Variants in FCRL1 observed in about 807,000 individuals in gnomAD.
FCRL1 encodes the protein Fc receptor-like protein 1.
FCRL1 carries 34 observed loss-of-function variants against 49.2 expected under a neutral mutation model. The observed-to-expected ratio is 0.69, with a 90% confidence interval of 0.53 to 0.92. The LOEUF is 0.92. Ranked by LOEUF, FCRL1 falls within the 40% of genes least tolerant of loss-of-function variation. The pLI is 0.00. For synonymous variants in FCRL1, 218 were observed against 201.6 expected (o/e 1.08, Z -0.69); for missense variants, 524 against 524.1 (o/e 1.00, Z 0.00).
chr1:157,800,459 G>A (rs1652262773), intron 6 of FCRL1, among the ~76,000 whole-genome samples: 1 of 152,132 alleles, frequency 6.6e-6, no homozygotes, highest in South Asian at 2.1e-4. Context: ...GACGGTGTGA[G>A]GTACCCAAAT....
chr1:157,800,163 T>C (rs1652205006), intron 6 of FCRL1, 78 bp from the exon 7 acceptor site: 1 of 1,405,896 alleles, frequency 7.1e-7, no homozygotes. Flanking sequence ...TCATACCCCC[T>C]GCACAGGGAT....
chr1:157,794,826 T>C lies in FCRL1; in HGVS notation c.*1273A>G, dbSNP rs1266504960. 4 of 152,184 alleles carry C rather than the reference T, an allele frequency of 2.6e-5. No individual in the cohort carries two copies. The highest frequency in any genetic ancestry group is 5.9e-5 in the Non-Finnish European group (4 of 68,028). The allele number at this position is 152,184 out of a possible 1,614,324, so 9.4% of individuals were successfully genotyped here. ...TACTACAATAAAAAAAGAAAAAAGTTATGATTTATCTATATAACACACTAC... is the reference window on the plus strand; with the variant it reads ...TACTACAATAAAAAAAGAAAAAAGTCATGATTTATCTATATAACACACTAC... On this transcript the variant is annotated 3_prime_UTR_variant, in exon 11 of 11. Coordinates refer to ENST00000368176, the MANE Select transcript of FCRL1 (RefSeq NM_052938.5).
At chr1:157,800,236 C>A in intron 6 of FCRL1, 151 bp from the exon 7 acceptor site, 1 of 560,570 alleles carries the variant, frequency 1.8e-6, no homozygotes, top group East Asian at 3.0e-5. Flanking sequence ...TCCTGGCAAT[C>A]ATTTACAGAG....
intron 3 of FCRL1, 97 bp downstream of exon 3, chr1:157,803,748 C>T: frequency 6.9e-7 from 1 of 1,439,392 alleles, no homozygotes; most frequent in East Asian, 2.3e-5. Flanking sequence ...CAAACAGCTC[C>T]TACTCTTGCA....
Position 157,801,971 on chromosome 1 carries a change from T to G in FCRL1, c.830A>C (p.Glu277Ala). The G allele has an allele frequency of 1.9e-6, 3 of 1,614,244 alleles. No homozygotes were observed. Among genetic ancestry groups the G allele is most frequent in the Non-Finnish European group, 2.5e-6 (3 of 1,180,036 alleles). ...TEEHSGNYSC[E>A]ANNGLGAQRS... ...CTGGGCCCCCAGGCCATTGTTGGCC[T>G]CACAGGAGTAGTTTCCAGAATGTTC... Residue 277 changes from glutamate to alanine, a missense_variant, in exon 5 of 11, where the codon GAG becomes GCG. Physicochemically the swap from Glu to Ala is moderately radical, Grantham distance 107 (BLOSUM62 -1). Transcript: ENST00000368176.
rs1248991402 is a variant in FCRL1, at chr1:157,798,357, C to A, written c.1032-114G>T. The stretch of plus-strand genomic sequence containing the variant: ...TTGTCCTGAGCAGAATACTAAGTTA[C>A]GGGGAAATGAGCAGCTAGAAGGCAC... On this transcript the variant is annotated intron_variant, in intron 7 of 10. Coordinates refer to ENST00000368176, the MANE Select transcript of FCRL1 (RefSeq NM_052938.5). 4 of 881,472 alleles carry A rather than the reference C, an allele frequency of 4.5e-6. No homozygotes were observed. The African/African-American group carries it at 5.1e-5, about 11-fold the overall frequency. 54.6% of individuals were successfully genotyped at this position (881,472 alleles called of 1,614,324 possible).
chr1:157,805,286 C>T (rs1327118359), intron 2 of FCRL1, among the ~76,000 whole-genome samples: 1 of 152,174 alleles, frequency 6.6e-6, no homozygotes, highest in Non-Finnish European at 1.5e-5. Context: ...ATTTGTTTAT[C>T]CAACCCTCAG....
intron 1 of FCRL1, among the ~76,000 whole-genome samples, chr1:157,814,247 G>C (rs1281947396): frequency 6.6e-6 from 1 of 152,050 alleles, no homozygotes; most frequent in South Asian, 2.1e-4. Flanking sequence ...ATGGTTAAAA[G>C]TCAAAATGGT....
intron 1 of FCRL1, among the ~76,000 whole-genome samples, chr1:157,810,454 G>A (rs1006322530): frequency 3.9e-5 from 6 of 151,938 alleles, no homozygotes; most frequent in South Asian, 4.2e-4. Flanking sequence ...GCACCACCTC[G>A]CCTGGCTAAT....
In FCRL1 at chr1:157,796,934, C is replaced by T. The variant is rs61262626; in HGVS notation, c.1218+167G>A. Reference sequence around the variant, plus strand: ...CTTCAAACTTTCCTTGTACAATGACCCCTTATTGTTGTAACTATGTGTTTT... The same window carrying T: ...CTTCAAACTTTCCTTGTACAATGACTCCTTATTGTTGTAACTATGTGTTTT... On this transcript the variant is annotated intron_variant, in intron 10 of 10. Transcript: ENST00000368176. Among the ~76,000 whole-genome samples the T allele has an allele frequency of 5.0e-3, 766 of 152,174 alleles. 6 individuals carry two copies. The highest frequency in any genetic ancestry group is 0.017 in the African/African-American group (695 of 41,518).
rs371547313 is a variant in FCRL1 at position 157,802,606 on chromosome 1, C to T, written c.378G>A (p.Glu126=). 1.2e-6 allele frequency: 2 copies of T among 1,614,064 alleles called. No homozygotes were observed. Among genetic ancestry groups the T allele is most frequent in the African/African-American group, 2.7e-5 (2 of 74,922 alleles). ...ETQPPGGQVM[E]GDRLVLICSV... ...AGCAGATGAGGACCAGCCTGTCTCCCTCCATCACCTGTCCTCCTGGGGGCT... is the reference window on the plus strand; with the variant it reads ...AGCAGATGAGGACCAGCCTGTCTCCTTCCATCACCTGTCCTCCTGGGGGCT... The change falls in exon 4 of 11, where the codon GAG becomes GAA. Residue 126 remains glutamate (E), a synonymous_variant. Coordinates refer to ENST00000368176, the MANE Select transcript of FCRL1 (RefSeq NM_052938.5).
chr1:157,804,319 C>T (rs1571368750), intron 2 of FCRL1: 1 of 571,780 alleles, frequency 1.7e-6, no homozygotes, highest in East Asian at 2.9e-5. Flanking sequence ...CATCCTGCCC[C>T]TGTGCAGTAT....
intron 6 of FCRL1, 80 bp downstream of exon 6, chr1:157,801,381 G>T: frequency 2.2e-6 from 2 of 919,994 alleles, no homozygotes; most frequent in Non-Finnish European, 3.6e-6. Context: ...ATCTTTTGCA[G>T]TATACATGTC....
intron 1 of FCRL1, among the ~76,000 whole-genome samples, chr1:157,814,377 G>T (rs1250265861): frequency 6.6e-6 from 1 of 151,934 alleles, no homozygotes; most frequent in Non-Finnish European, 1.5e-5. Flanking sequence ...AAGTTAAGCT[G>T]TTATCAGCTT....
chr1:157,811,449 T>C (rs1654303166), intron 1 of FCRL1, among the ~76,000 whole-genome samples: 1 of 152,156 alleles, frequency 6.6e-6, no homozygotes, highest in South Asian at 2.1e-4. Context: ...GAGGGGCTTT[T>C]CCCTGAAAAC....
rs1652477796 is a variant in FCRL1 at position 157,801,573 on chromosome 1, A to T, written c.891T>A (p.Pro297=). The change falls in exon 6 of 11, where the codon CCT becomes CCA. Residue 297 remains proline (P), a synonymous_variant. Coordinates refer to ENST00000368176, the MANE Select transcript of FCRL1 (RefSeq NM_052938.5). ...SEAVTLNFTV[P]TGARSNHLTS... ...TAAGATGATTGCTTCTGGCCCCAGT[A>T]GGCACTAGAGGGAGAGACCTGTGCA... is the stretch of plus-strand genomic sequence containing the variant. 2 of 1,606,534 alleles carry T rather than the reference A, an allele frequency of 1.2e-6. No individual in the cohort carries two copies. Among genetic ancestry groups the T allele is most frequent in the African/African-American group, 1.3e-5 (1 of 74,738 alleles).
At chr1:157,798,349 C>G (rs565751519) in intron 7 of FCRL1, 106 bp from the exon 8 acceptor site, 16 of 956,054 alleles carry the variant, frequency 1.7e-5, no homozygotes, top group Non-Finnish European at 2.3e-5. Flanking sequence ...GAGCAGAATA[C>G]TAAGTTACGG....
At chr1:157,801,418 C>G (rs772737316) in intron 6 of FCRL1, 43 bp downstream of exon 6, 1 of 1,259,676 alleles carries the variant, frequency 7.9e-7, no homozygotes, top group East Asian at 2.3e-5. Context: ...TCAGTGAAAA[C>G]AAAGATCACA....
intron 7 of FCRL1, 103 bp from the exon 8 acceptor site, chr1:157,798,346 A>G: frequency 1.0e-6 from 1 of 973,174 alleles, no homozygotes; most frequent in Non-Finnish European, 1.5e-6. Context: ...CCTGAGCAGA[A>G]TACTAAGTTA....
Sources: gnomAD v4.1 joint callset for allele counts (sites outside exome capture counted in the v4.1 genomes callset) on GRCh38, gnomAD v4.1.1 for gene constraint, MANE v1.5 for transcripts, NCBI Gene and HGNC (gene_info 2026-07-23, HGNC 2026-07-21) for gene names.